Variants in CPA6 observed in about 807,000 individuals in gnomAD.
The protein encoded by CPA6 is carboxypeptidase B.
Under a neutral mutation model 63.3 loss-of-function variants are expected in CPA6, and 58 were observed. The observed-to-expected ratio is 0.92, with a 90% CI of 0.74 to 1.14. The LOEUF (loss-of-function observed/expected upper bound fraction) is 1.14. Among genes scored for constraint, CPA6 ranks in the 50% most tolerant of loss-of-function variants. The pLI, the probability that CPA6 is intolerant of heterozygous loss-of-function variation, is 0.00. For synonymous variants in CPA6, 185 were observed against 179.0 expected, an observed-to-expected ratio of 1.03 and a Z score of -0.27; for missense variants, 565 against 526.6, an observed-to-expected ratio of 1.07 and a Z score of -0.71.
chr8:67,593,891 T>G (rs1326980030), intron 2 of CPA6, among the ~76,000 whole-genome samples: 1 of 148,704 alleles, frequency 6.7e-6, no homozygotes. Context: ...ACATTTAAAG[T>G]TAATATTGTT....
At chr8:67,442,690 T>C (rs1810320242) in intron 8 of CPA6, among the ~76,000 whole-genome samples, 1 of 152,134 alleles carries the variant, frequency 6.6e-6, no homozygotes, top group South Asian at 2.1e-4. Context: ...GCTTGTAGTG[T>C]TCTCTAGGCA....
intron 2 of CPA6, among the ~76,000 whole-genome samples, chr8:67,618,271 C>T (rs1475079353): frequency 1.3e-5 from 2 of 152,126 alleles, no homozygotes; most frequent in East Asian, 3.8e-4. Flanking sequence ...TGAATTCTAC[C>T]ACCCATTTCC....
chr8:67,661,563 T>C (rs1224985439), intron 1 of CPA6, among the ~76,000 whole-genome samples: 1 of 152,206 alleles, frequency 6.6e-6, no homozygotes, highest in Admixed American at 6.5e-5. Context: ...AAGTATCCAA[T>C]GAGTCCTTTG....
intron 1 of CPA6, among the ~76,000 whole-genome samples, chr8:67,667,908 G>A (rs1373105092): frequency 6.6e-6 from 1 of 152,246 alleles, no homozygotes; most frequent in East Asian, 1.9e-4. Context: ...CTTCCAGGCT[G>A]CTGGGCAAAA....
At chr8:67,704,185 A>AG (rs1461415659) in intron 1 of CPA6, among the ~76,000 whole-genome samples, 1 of 152,130 alleles carries the variant, frequency 6.6e-6, no homozygotes, top group Non-Finnish European at 1.5e-5. Context: ...AGAGGGATTA[A>AG]CCTGTCTTTT....
At chr8:67,600,173 C>G (rs143480732) in intron 2 of CPA6, among the ~76,000 whole-genome samples, 1,896 of 151,362 alleles carry the variant, frequency 0.013, 18 homozygotes, top group Non-Finnish European at 0.019. Flanking sequence ...TTTATGCAGC[C>G]AAAAGACACA....
chr8:67,455,178 G>A (rs1303531719), intron 8 of CPA6, among the ~76,000 whole-genome samples: 1 of 152,190 alleles, frequency 6.6e-6, no homozygotes, highest in Non-Finnish European at 1.5e-5. Context: ...GAAGAATGGA[G>A]GGGTACCAGA....
intron 1 of CPA6, among the ~76,000 whole-genome samples, chr8:67,697,436 C>A (rs1311275549): frequency 6.6e-6 from 1 of 152,220 alleles, no homozygotes; most frequent in Non-Finnish European, 1.5e-5. Context: ...GGCCATCTGA[C>A]TTCTTTAAGC....
At chr8:67,515,542 T>C (rs10957388) in intron 3 of CPA6, among the ~76,000 whole-genome samples, 71,656 of 152,074 alleles carry the variant, frequency 0.47, 18,929 homozygotes, top group African/African-American at 0.74. Context: ...GCGTATTCTC[T>C]TATACGCCGT....
At chr8:67,745,274 C>T (rs889535959) in intron 1 of CPA6, among the ~76,000 whole-genome samples, 7 of 152,180 alleles carry the variant, frequency 4.6e-5, no homozygotes, top group Admixed American at 6.5e-5. Flanking sequence ...ATTCTAAGAA[C>T]GACCCCCTGC....
intron 2 of CPA6, among the ~76,000 whole-genome samples, chr8:67,534,588 A>G (rs73266637): frequency 0.041 from 6,251 of 152,126 alleles, 430 homozygotes; most frequent in African/African-American, 0.14. Context: ...TTAATATCTC[A>G]TGTGTAATAT....
At chr8:67,692,860 C>T (rs1425283860) in intron 1 of CPA6, among the ~76,000 whole-genome samples, 1 of 152,136 alleles carries the variant, frequency 6.6e-6, no homozygotes, top group Non-Finnish European at 1.5e-5. Flanking sequence ...CATGTGTAAA[C>T]ATTTTAAGCT....
intron 1 of CPA6, among the ~76,000 whole-genome samples, chr8:67,648,678 T>A (rs187052645): frequency 6.6e-6 from 1 of 152,364 alleles, no homozygotes; most frequent in East Asian, 1.9e-4. Context: ...TAAGAATTTT[T>A]ATTTGAAACT....
chr8:67,438,090 G>C (rs1338635776), intron 8 of CPA6, among the ~76,000 whole-genome samples: 1 of 152,106 alleles, frequency 6.6e-6, no homozygotes, highest in Non-Finnish European at 1.5e-5. Context: ...GCTAGTTTTT[G>C]TATTTTTAGT....
At chr8:67,647,704 G>T (rs772380768) in intron 1 of CPA6, among the ~76,000 whole-genome samples, 1 of 152,140 alleles carries the variant, frequency 6.6e-6, no homozygotes, top group Non-Finnish European at 1.5e-5. Context: ...ACAATTACCT[G>T]TGGTTCTTTC....
At chr8:67,659,195 C>T (rs375095021) in intron 1 of CPA6, among the ~76,000 whole-genome samples, 10 of 152,286 alleles carry the variant, frequency 6.6e-5, no homozygotes, top group Admixed American at 2.0e-4. Flanking sequence ...GGCCTCTTTT[C>T]GCTCTATAAA....
chr8:67,549,535 C>T (rs1443136417), intron 2 of CPA6, among the ~76,000 whole-genome samples: 6 of 152,264 alleles, frequency 3.9e-5, no homozygotes, highest in Admixed American at 1.3e-4. Flanking sequence ...AAGTACACAA[C>T]GCAGTATCAC....
rs1809783138 is a variant in CPA6 at position 67,422,417 on chromosome 8, G to T, written c.*87C>A. The stretch of plus-strand genomic sequence containing the variant: ...ATAGACATGTTCACTCTAAGCAGCT[G>T]CCCTTCTCTTTGAAAACAATTTCTA... On this transcript the variant is annotated 3_prime_UTR_variant, in exon 11 of 11. Transcript: ENST00000297770. 5 of 1,153,244 alleles carry T rather than the reference G, an allele frequency of 4.3e-6. No homozygotes were observed. In the South Asian group the frequency reaches 4.4e-5, roughly 10 times the overall value. The allele number at this position is 1,153,244 out of a possible 1,614,324, so 71.4% of individuals were successfully genotyped here.
At chr8:67,448,253 C>A (rs936330774) in intron 8 of CPA6, among the ~76,000 whole-genome samples, 2 of 152,180 alleles carry the variant, frequency 1.3e-5, no homozygotes, top group Admixed American at 1.3e-4. Flanking sequence ...GCATTTTATC[C>A]TCAAATCTAT....
Sources: gnomAD v4.1 joint callset for allele counts (sites outside exome capture counted in the v4.1 genomes callset) on GRCh38, gnomAD v4.1.1 for gene constraint, MANE v1.5 for transcripts, NCBI Gene and HGNC (gene_info 2026-07-23, HGNC 2026-07-21) for gene names.